HERC4: variants seen among roughly 807,000 people sequenced by gnomAD.
HERC4 encodes the protein probable E3 ubiquitin-protein ligase HERC4.
In HERC4, 28 loss-of-function variants were observed where a neutral mutation model predicts 124.3. That is an observed-to-expected ratio of 0.23 (90% CI 0.17 to 0.31). The LOEUF is 0.31. Ranked by LOEUF, HERC4 falls within the 10% of genes least tolerant of loss-of-function variation. The probability of loss-of-function intolerance (pLI) is 1.00; values close to 1 mark genes in which losing one functional copy is unlikely to be tolerated. For synonymous variants in HERC4, 407 were observed against 421.5 expected (o/e 0.97, Z 0.42); for missense variants, 713 against 1,229.3 (o/e 0.58, Z 6.28).
chr10:68,036,009 T>C (rs2039443669), intron 5 of HERC4, among the ~76,000 whole-genome samples: 1 of 152,170 alleles, frequency 6.6e-6, no homozygotes, highest in Non-Finnish European at 1.5e-5. Flanking sequence ...TAGTTCATAC[T>C]AAGGGCTCTA....
chr10:67,953,446 A>C (rs1024174587), intron 19 of HERC4, among the ~76,000 whole-genome samples: 2 of 152,192 alleles, frequency 1.3e-5, no homozygotes, highest in Admixed American at 6.5e-5. Context: ...AATGTGTAAG[A>C]TAAGTCTGGA....
At chr10:67,952,734 T>C (rs183109142) in intron 19 of HERC4, among the ~76,000 whole-genome samples, 24 of 151,540 alleles carry the variant, frequency 1.6e-4, no homozygotes, top group African/African-American at 5.8e-4. Context: ...CCGTCTCTAC[T>C]AAAAATATAA....
chr10:67,978,969 G>C (rs905892750), intron 15 of HERC4, among the ~76,000 whole-genome samples: 2 of 152,112 alleles, frequency 1.3e-5, no homozygotes, highest in Admixed American at 1.3e-4. Flanking sequence ...CAACATCCAA[G>C]TCCTTCTGAA....
chr10:67,935,099 G>C (rs1013416875), intron 22 of HERC4, among the ~76,000 whole-genome samples: 3 of 148,976 alleles, frequency 2.0e-5, no homozygotes, highest in African/African-American at 7.4e-5. Context: ...CTTTTTGACT[G>C]TTTTGGCCTT....
chr10:67,995,990 TTCTC>T, intron 9 of HERC4: 2 of 296,800 alleles, frequency 6.7e-6, no homozygotes, highest in Non-Finnish European at 1.3e-5. Context: ...TTGCCACTCT[TTCTC>T]TATCTGAAAG....
At chr10:67,936,071 G>A (rs1012538540) in intron 22 of HERC4, 82 bp downstream of exon 22, 1 of 835,712 alleles carries the variant, frequency 1.2e-6, no homozygotes, top group African/African-American at 1.7e-5. Context: ...AAAAGCTTAG[G>A]GTTGTGACAC....
intron 13 of HERC4, 47 bp downstream of exon 13, chr10:67,990,857 A>G: frequency 1.6e-6 from 2 of 1,286,476 alleles, no homozygotes; most frequent in African/African-American, 1.5e-5. Flanking sequence ...ACAAAAGAAA[A>G]CAAAATCAAC....
At chr10:68,024,870 G>A (rs1449666333) in intron 8 of HERC4, among the ~76,000 whole-genome samples, 1 of 152,106 alleles carries the variant, frequency 6.6e-6, no homozygotes, top group East Asian at 1.9e-4. Context: ...ATCAACAGAT[G>A]AAGCTCAATG....
chr10:68,051,422 G>A (rs2040297270), intron 3 of HERC4, among the ~76,000 whole-genome samples: 1 of 145,172 alleles, frequency 6.9e-6, no homozygotes, highest in Non-Finnish European at 1.5e-5. Context: ...TTGGCTCACT[G>A]CAAGCTCTGC....
chr10:68,027,345 G>T (rs1272137392), intron 7 of HERC4, among the ~76,000 whole-genome samples: 1 of 152,096 alleles, frequency 6.6e-6, no homozygotes, highest in African/African-American at 2.4e-5. Flanking sequence ...TTGTTTCACT[G>T]GTGTCTCCCT....
intron 19 of HERC4, among the ~76,000 whole-genome samples, chr10:67,947,839 CTTTTTTTTTTT>C (rs34189806): frequency 4.1e-4 from 44 of 107,308 alleles, no homozygotes; most frequent in Non-Finnish European, 6.0e-4. Context: ...ACAATACACT[CTTTTTTTTTTT>C]TTTTTTTTTT....
chr10:68,059,815 T>TTATATATCATAATATTATATATTATAA (rs1564609605), intron 3 of HERC4, among the ~76,000 whole-genome samples: 5 of 81,618 alleles, frequency 6.1e-5, no homozygotes, highest in South Asian at 3.4e-4. Flanking sequence ...TATTATAATA[T>TTATATATCATAATATTATATATTATAA]TATATATCAT....
At chr10:67,928,711 A>T (rs1446884744) in intron 23 of HERC4, among the ~76,000 whole-genome samples, 1 of 152,178 alleles carries the variant, frequency 6.6e-6, no homozygotes, top group Non-Finnish European at 1.5e-5. Flanking sequence ...TCATGAGGTC[A>T]GGAGTTCAAG....
At chr10:67,979,174 A>C (rs937382526) in intron 15 of HERC4, among the ~76,000 whole-genome samples, 1 of 152,196 alleles carries the variant, frequency 6.6e-6, no homozygotes, top group African/African-American at 2.4e-5. Context: ...GAGAAAAAGA[A>C]ACACATGACC....
intron 3 of HERC4, among the ~76,000 whole-genome samples, chr10:68,058,381 G>A (rs1258909260): frequency 2.0e-5 from 3 of 152,130 alleles, no homozygotes; most frequent in African/African-American, 7.2e-5. Flanking sequence ...GAAAAGATCT[G>A]TATTGTATAT....
At chr10:68,027,220 T>C (rs550463815) in intron 7 of HERC4, among the ~76,000 whole-genome samples, 1 of 152,334 alleles carries the variant, frequency 6.6e-6, no homozygotes, top group African/African-American at 2.4e-5. Context: ...AGAACATTCA[T>C]TTTTCTTTTT....
At chr10:67,967,742 C>T (rs748049964) in intron 15 of HERC4, among the ~76,000 whole-genome samples, 4 of 151,862 alleles carry the variant, frequency 2.6e-5, no homozygotes, top group African/African-American at 9.7e-5. Flanking sequence ...AATAGTTTAA[C>T]CCAAATCCAA....
intron 3 of HERC4, among the ~76,000 whole-genome samples, chr10:68,072,167 A>G (rs149804935): frequency 0.02 from 3,015 of 152,326 alleles, 39 homozygotes; most frequent in Non-Finnish European, 0.03. Flanking sequence ...CAAAACTCAC[A>G]TAACAATGAT....
intron 16 of HERC4, among the ~76,000 whole-genome samples, chr10:67,962,696 G>GT (rs2034601325): frequency 6.6e-6 from 1 of 152,072 alleles, no homozygotes. Context: ...AACCAATAAG[G>GT]TATTTTTACA....
Sources: gnomAD v4.1 joint callset for allele counts (sites outside exome capture counted in the v4.1 genomes callset) on GRCh38, gnomAD v4.1.1 for gene constraint, MANE v1.5 for transcripts, NCBI Gene and HGNC (gene_info 2026-07-23, HGNC 2026-07-21) for gene names.